The following SIK3 variants were observed in gnomAD, a reference collection of about 807,000 sequenced individuals.
SIK3 encodes the protein SIK family kinase 3.
Under a neutral mutation model 144.2 loss-of-function variants are expected in SIK3, and 28 were observed. The ratio of observed to expected loss-of-function variants is 0.19; its 90% CI spans 0.14 to 0.27. The LOEUF is 0.27. Ranked by LOEUF, SIK3 falls within the 10% of genes least tolerant of loss-of-function variation. SIK3 has a pLI of 1.00. For missense variants in SIK3, 1,319 were observed against 1,776.0 expected, an observed-to-expected ratio of 0.74 and a Z score of 4.62; for synonymous variants, 686 against 676.3, an observed-to-expected ratio of 1.01 and a Z score of -0.22.
At chr11:116,959,001 G>A (rs1027970518) in intron 1 of SIK3, among the ~76,000 whole-genome samples, 1 of 152,116 alleles carries the variant, frequency 6.6e-6, no homozygotes, top group African/African-American at 2.4e-5. Context: ...GTAATGTACA[G>A]AATGCTTTCA....
intron 6 of SIK3, 33 bp downstream of exon 6, chr11:116,896,220 C>A: frequency 1.2e-6 from 2 of 1,609,390 alleles, no homozygotes; most frequent in South Asian, 2.2e-5. Context: ...TTTCATGAAC[C>A]CATTCATAGC....
intron 1 of SIK3, among the ~76,000 whole-genome samples, chr11:117,064,654 T>A (rs1214399111): frequency 6.6e-6 from 1 of 152,222 alleles, no homozygotes; most frequent in Admixed American, 6.5e-5. Flanking sequence ...CAACGGCTGC[T>A]TTTTAAAAAG....
At chr11:116,870,790 AGGAAG>A (rs1943929736) in intron 13 of SIK3, among the ~76,000 whole-genome samples, 1 of 152,204 alleles carries the variant, frequency 6.6e-6, no homozygotes, top group Admixed American at 6.5e-5. Context: ...TTGGGAATTA[AGGAAG>A]GCATCCTGGA....
intron 17 of SIK3, 130 bp from the exon 18 acceptor site, chr11:116,862,056 G>C: frequency 7.6e-7 from 1 of 1,310,520 alleles, no homozygotes; most frequent in Non-Finnish European, 1.1e-6. Context: ...TTCACCAGAA[G>C]GTCTGATTAC....
intron 1 of SIK3, among the ~76,000 whole-genome samples, chr11:117,091,387 G>C (rs1198566826): frequency 2.6e-5 from 4 of 151,616 alleles, no homozygotes; most frequent in Non-Finnish European, 5.9e-5. Context: ...TGTATTTTTA[G>C]TAAAAACAGG....
rs148794024 is a variant in SIK3 at position 116,849,244 on chromosome 11, C to G, written c.3695G>C (p.Gly1232Ala). 1.5e-4 allele frequency: 247 copies of G among 1,614,184 alleles called. 1 individual carries two copies. In the African/African-American group the frequency reaches 3.1e-3, roughly 20 times the overall value. Residue 1232 changes from glycine to alanine, a missense_variant, in exon 22 of 25, where the codon GGA (glycine) becomes GCA (alanine). Gly to Ala is a moderately conservative substitution (Grantham distance 60). This residue lies in a region of SIK3 where 646 missense variants were observed against 763.7 expected (regional missense o/e 0.85). Transcript: ENST00000445177. This position sits in a 1 kb window ranked among gnomAD's most constrained non-coding sequence, Gnocchi z 4.2. The part of the protein sequence containing the change: ...IGNCMDRSSP[G>A]QAVELPDHNG... ...GTGATCCGGCAGCTCCACTGCTTGTCCTGGAGAACTTCTATCCATGCAGTT... is the reference window on the plus strand; with the variant it reads ...GTGATCCGGCAGCTCCACTGCTTGTGCTGGAGAACTTCTATCCATGCAGTT...
At chr11:116,847,755 A>T in intron 22 of SIK3, 147 bp from the exon 23 acceptor site, 4 of 856,942 alleles carry the variant, frequency 4.7e-6, no homozygotes, top group Non-Finnish European at 5.4e-6. Flanking sequence ...CACCACCCAA[A>T]GGGGGTGCTC....
chr11:116,908,447 G>A (rs886874143), intron 4 of SIK3, among the ~76,000 whole-genome samples: 2 of 152,056 alleles, frequency 1.3e-5, no homozygotes, highest in African/African-American at 4.8e-5. Flanking sequence ...CCACTGCACT[G>A]CAGCCTGGGT....
chr11:117,009,338 G>T (rs536926388), intron 1 of SIK3, among the ~76,000 whole-genome samples: 24 of 151,752 alleles, frequency 1.6e-4, no homozygotes, highest in African/African-American at 3.9e-4. Context: ...TTGAGCCCAG[G>T]AGTTCGAGAC....
At chr11:116,969,071 A>C (rs1013655106) in intron 1 of SIK3, among the ~76,000 whole-genome samples, 5 of 152,056 alleles carry the variant, frequency 3.3e-5, no homozygotes, top group African/African-American at 1.2e-4. Context: ...CGGGTGGATC[A>C]CAAGGTCAGG....
chr11:116,849,786 T>A lies in SIK3; in HGVS notation c.3656-503A>T, dbSNP rs1256933675. The stretch of plus-strand genomic sequence containing the variant: ...CTCCACCCTTTCTAAGCAAGTACTC[T>A]CCACATTTTTGTCCTTGACCTTCTC... On this transcript the variant is annotated intron_variant, in intron 21 of 24. Transcript: ENST00000445177. This position sits in a 1 kb window ranked among gnomAD's most constrained non-coding sequence, Gnocchi z 4.2. Among the ~76,000 whole-genome samples, 4 of 152,120 alleles carry A rather than the reference T, an allele frequency of 2.6e-5. No homozygotes were observed. Among genetic ancestry groups the A allele is most frequent in the African/African-American group, 9.7e-5 (4 of 41,400 alleles).
intron 1 of SIK3, among the ~76,000 whole-genome samples, chr11:117,067,159 C>G (rs1382746378): frequency 6.6e-6 from 1 of 152,046 alleles, no homozygotes; most frequent in Admixed American, 6.6e-5. Context: ...ACCATATGAC[C>G]CAGCCATTCC....
At chr11:116,870,109 C>T (rs2134501382) in intron 14 of SIK3, 1 of 1,514,030 alleles carries the variant, frequency 6.6e-7, no homozygotes, top group Non-Finnish European at 8.8e-7. Flanking sequence ...ATGGTTATTG[C>T]TGTCACTTAG....
chr11:116,941,666 T>C (rs774455125), intron 3 of SIK3, among the ~76,000 whole-genome samples: 1 of 152,202 alleles, frequency 6.6e-6, no homozygotes, highest in Non-Finnish European at 1.5e-5. Flanking sequence ...AGAAATATTA[T>C]TTTTAAGACA....
intron 3 of SIK3, among the ~76,000 whole-genome samples, chr11:116,936,867 G>C (rs1289996979): frequency 6.6e-6 from 1 of 152,126 alleles, no homozygotes; most frequent in Non-Finnish European, 1.5e-5. Context: ...TGTACACTTT[G>C]CTCAGGGTTT....
intron 1 of SIK3, among the ~76,000 whole-genome samples, chr11:116,987,549 A>G (rs753777101): frequency 6.6e-6 from 1 of 152,316 alleles, no homozygotes; most frequent in Non-Finnish European, 1.5e-5. Context: ...AGGTACTAGG[A>G]GAATGCCCTC....
intron 1 of SIK3, among the ~76,000 whole-genome samples, chr11:117,026,797 A>C (rs1161160791): frequency 6.6e-6 from 1 of 152,226 alleles, no homozygotes; most frequent in African/African-American, 2.4e-5. Context: ...CCAGCTGCTA[A>C]GCTGTCCCTT....
intron 6 of SIK3, among the ~76,000 whole-genome samples, chr11:116,885,273 T>TTTCTC (rs1425289967): frequency 6.6e-6 from 1 of 152,142 alleles, no homozygotes; most frequent in East Asian, 1.9e-4. Flanking sequence ...CTGAGAGGCT[T>TTTCTC]TTCTCTTCAG....
At chr11:117,001,147 A>C (rs767172748) in intron 1 of SIK3, among the ~76,000 whole-genome samples, 4 of 152,266 alleles carry the variant, frequency 2.6e-5, no homozygotes, top group Non-Finnish European at 4.4e-5. Flanking sequence ...GGTTTATGTC[A>C]CTTGACTGTA....
Sources: gnomAD v4.1 joint callset for allele counts (sites outside exome capture counted in the v4.1 genomes callset) on GRCh38, gnomAD v4.1.1 for gene constraint, gnomAD v4.1.1 regional missense constraint, Gnocchi (gnomAD v3.1) non-coding constraint, MANE v1.5 for transcripts, NCBI Gene and HGNC (gene_info 2026-07-23, HGNC 2026-07-21) for gene names.